The following KLRC1 variants were observed in gnomAD, a reference collection of about 807,000 sequenced individuals.
KLRC1 encodes the protein NKG2-A/NKG2-B type II integral membrane protein.
A neutral mutation model predicts 25.9 loss-of-function variants in KLRC1; 22 were observed. That is an observed-to-expected ratio of 0.85 (90% CI 0.61 to 1.21). The LOEUF (loss-of-function observed/expected upper bound fraction) is 1.21, where lower values mean the gene tolerates loss of function less well. Ranked by LOEUF, KLRC1 falls within the 50% of genes most tolerant of loss-of-function variation. The pLI is 0.00. For synonymous variants in KLRC1, 77 were observed against 93.1 expected, an observed-to-expected ratio of 0.83 and a Z score of 0.99; for missense variants, 240 against 272.2, an observed-to-expected ratio of 0.88 and a Z score of 0.83.
rs2137886121 is a variant in KLRC1, at chr12:10,446,289, TC to T, written c.*261del. The T allele has an allele frequency of 1.2e-6, 1 of 823,800 alleles. No individual in the cohort carries two copies. Among genetic ancestry groups the T allele is most frequent in the African/African-American group, 1.8e-5 (1 of 55,220 alleles). The allele number at this position is 823,800 out of a possible 1,614,324, so 51.0% of individuals were successfully genotyped here. On this transcript the variant is annotated 3_prime_UTR_variant, in exon 7 of 7. Coordinates refer to ENST00000359151, the MANE Select transcript of KLRC1 (RefSeq NM_002259.5). ...CATGGGTTTGACTGTTCTTGGTACT[TC>T]CTATAAGCTGACTCACATAACATGC...
intron 5 of KLRC1, 47 bp downstream of exon 5, chr12:10,449,190 G>T (rs945988478): frequency 9.9e-6 from 16 of 1,608,542 alleles, no homozygotes; most frequent in Non-Finnish European, 1.3e-5. Flanking sequence ...ATATATTATC[G>T]ACCGAAAGAA....
At chr12:10,447,947 T>A (rs550427897) in intron 5 of KLRC1, among the ~76,000 whole-genome samples, 1 of 152,342 alleles carries the variant, frequency 6.6e-6, no homozygotes, top group Admixed American at 6.5e-5. Context: ...TTTTGTGCTA[T>A]ATTTCTCAGA....
At chr12:10,445,702 A>C (rs1339676109), downstream of KLRC1, among the ~76,000 whole-genome samples, 1 of 152,208 alleles carries the variant, frequency 6.6e-6, no homozygotes, top group Non-Finnish European at 1.5e-5. Flanking sequence ...TTGACATAAT[A>C]GATTTACATA....
chr12:10,444,447 G>A (rs1489452524), downstream of KLRC1, among the ~76,000 whole-genome samples: 1 of 151,976 alleles, frequency 6.6e-6, no homozygotes, highest in Non-Finnish European at 1.5e-5. Flanking sequence ...CTCCCAAAGT[G>A]CTGGGATTAT....
Position 10,447,180 on chromosome 12 carries a change from A to G in KLRC1, c.590+352T>C, listed in dbSNP as rs188735546. 288 of 195,894 alleles carry G rather than the reference A, an allele frequency of 1.5e-3. 1 individual carries two copies. The highest frequency in any genetic ancestry group is 2.5e-3 in the Non-Finnish European group (240 of 95,358). 12.1% of individuals were successfully genotyped at this position (195,894 alleles called of 1,614,324 possible). On this transcript the variant is annotated intron_variant, in intron 6 of 6. Transcript: ENST00000359151. ...GACAGCTTCAAATGCGGCCCAATAC[A>G]TATACGTAAACTTTCTTAAAACATT...
At chr12:10,447,365 A>T in intron 6 of KLRC1, 167 bp downstream of exon 6, 1 of 568,048 alleles carries the variant, frequency 1.8e-6, no homozygotes, top group Non-Finnish European at 3.0e-6. Context: ...TGAGCGGTTG[A>T]AATATATGGA....
intron 1 of KLRC1, among the ~76,000 whole-genome samples, chr12:10,451,554 G>C (rs545340088): frequency 9.9e-5 from 15 of 152,152 alleles, no homozygotes; most frequent in African/African-American, 3.6e-4. Flanking sequence ...TACTCGGGAG[G>C]CTGAGGCAGG....
chr12:10,444,973 G>A (rs1035780882), downstream of KLRC1, among the ~76,000 whole-genome samples: 6 of 136,342 alleles, frequency 4.4e-5, no homozygotes, highest in East Asian at 8.8e-4. Context: ...AGGTTGGAGT[G>A]CAGTGGTGCA....
At chr12:10,451,522 G>A (rs1031147561) in intron 1 of KLRC1, among the ~76,000 whole-genome samples, 1 of 152,056 alleles carries the variant, frequency 6.6e-6, no homozygotes, top group Non-Finnish European at 1.5e-5. Context: ...CGGGCATGAT[G>A]TCAGGCGCCT....
At chr12:10,447,193 T>G (rs1466230835) in intron 6 of KLRC1, 3 of 200,430 alleles carry the variant, frequency 1.5e-5, no homozygotes, top group Non-Finnish European at 3.0e-5. Flanking sequence ...TACGTAAACT[T>G]TCTTAAAACA....
intron 1 of KLRC1, 82 bp from the exon 2 acceptor site, chr12:10,451,269 C>T (rs1864120973): frequency 2.8e-6 from 2 of 713,010 alleles, no homozygotes; most frequent in Non-Finnish European, 4.1e-6. Flanking sequence ...AGGTGGAGAA[C>T]GAGTATTGGA....
chr12:10,447,907 C>T (rs35757287), intron 5 of KLRC1, among the ~76,000 whole-genome samples: 4 of 152,134 alleles, frequency 2.6e-5, no homozygotes, highest in Non-Finnish European at 5.9e-5. Context: ...TGCATTCATT[C>T]CTCCAGATAC....
At chr12:10,454,448 A>G (rs528658539), upstream of KLRC1, 1 of 192,866 alleles carries the variant, frequency 5.2e-6, no homozygotes, top group East Asian at 1.9e-4. Context: ...CCAGGAGGAG[A>G]CTCACACACT....
chr12:10,443,042 G>T (rs1382156964), downstream of KLRC1, among the ~76,000 whole-genome samples: 7 of 122,306 alleles, frequency 5.7e-5, 1 homozygote, highest in Non-Finnish European at 1.2e-4. Context: ...TTAATTAATG[G>T]GTACGAAAAA....
At chr12:10,445,447 C>A (rs531866775), downstream of KLRC1, among the ~76,000 whole-genome samples, 30 of 151,868 alleles carry the variant, frequency 2.0e-4, no homozygotes, top group South Asian at 6.2e-3. Flanking sequence ...AGGATGAAAA[C>A]AACACCAAGC....
At chr12:10,452,750 T>C (rs1049328093) in intron 1 of KLRC1, among the ~76,000 whole-genome samples, 6 of 152,186 alleles carry the variant, frequency 3.9e-5, no homozygotes, top group Non-Finnish European at 8.8e-5. Flanking sequence ...GTAATCTACC[T>C]CATTCTGATT....
rs1863985006 is a variant in KLRC1, at chr12:10,446,398, T to TA, written c.*152dup. The TA allele has an allele frequency of 7.1e-7, 1 of 1,415,264 alleles. No individual in the cohort carries two copies. The highest frequency in any genetic ancestry group is 9.2e-7 in the Non-Finnish European group (1 of 1,082,144). The allele number at this position is 1,415,264 out of a possible 1,614,324, so 87.7% of individuals were successfully genotyped here. A position where few individuals can be genotyped will look rare whatever the true frequency, so the allele number is the denominator to read the frequency against. ...AAATGCTAGGATGTCTGTACTTTAG[T>TA]AATTGTGTGTATCCTGTTTCAATAA... On this transcript the variant is annotated 3_prime_UTR_variant, in exon 7 of 7. Transcript: ENST00000359151.
downstream of KLRC1, among the ~76,000 whole-genome samples, chr12:10,443,490 AT>A (rs66665574): frequency 0.98 from 134,072 of 136,544 alleles, 66,283 homozygotes; most frequent in Middle Eastern, 1. Flanking sequence ...AGTAATATAC[AT>A]TTTTTATCAT....
downstream of KLRC1, among the ~76,000 whole-genome samples, chr12:10,444,910 A>G (rs905613850): frequency 2.1e-5 from 3 of 142,096 alleles, no homozygotes; most frequent in Non-Finnish European, 4.5e-5. Flanking sequence ...ATATATATGC[A>G]CTAATTTTTT....
Sources: gnomAD v4.1 joint callset for allele counts (sites outside exome capture counted in the v4.1 genomes callset) on GRCh38, gnomAD v4.1.1 for gene constraint, MANE v1.5 for transcripts, NCBI Gene and HGNC (gene_info 2026-07-23, HGNC 2026-07-21) for gene names.